Variants in AFF1 observed in about 807,000 individuals in gnomAD.
AFF1 encodes the protein ALF transcription elongation factor 1.
In AFF1, 48 loss-of-function variants were observed where a neutral mutation model predicts 121.7. The observed-to-expected ratio is 0.39, with a 90% CI of 0.31 to 0.50. The LOEUF (loss-of-function observed/expected upper bound fraction) is 0.50, where lower values mean the gene tolerates loss of function less well. AFF1 is among the 20% of genes least tolerant of loss of function. The pLI is 0.76. For synonymous variants in AFF1, 613 were observed against 563.0 expected (o/e 1.09, Z -1.26); for missense variants, 1,523 against 1,511.7 (o/e 1.01, Z -0.12).
In AFF1 at chr4:87,012,217, C is replaced by CTTTTTTTTTTTTTTTTTTTTTTTTT. The variant is rs68156863; in HGVS notation, c.39-33947_39-33946insTTTTTTTTTTTTTTTTTTTTTTTTT. On this transcript the variant is annotated intron_variant, in intron 2 of 20. Transcript: ENST00000395146. Reference sequence around the variant, plus strand: ...GTTAGCAAACTTCTCCATTTCATTTCTTGTTTTTTTTTTTTTTTGTATAAC... The same window carrying CTTTTTTTTTTTTTTTTTTTTTTTTT: ...GTTAGCAAACTTCTCCATTTCATTTCTTTTTTTTTTTTTTTTTTTTTTTTTTTGTTTTTTTTTTTTTTTGTATAAC... Among the ~76,000 whole-genome samples the CTTTTTTTTTTTTTTTTTTTTTTTTT allele has an allele frequency of 4.3e-5, 5 of 115,100 alleles. 1 individual carries two copies. The highest frequency in any genetic ancestry group is 7.4e-5 in the Non-Finnish European group (4 of 54,242). The allele number at this position is 115,100 out of a possible 152,430, so 75.5% of individuals were successfully genotyped here.
At chr4:87,020,296 T>C (rs1727764903) in intron 2 of AFF1, among the ~76,000 whole-genome samples, 2 of 152,240 alleles carry the variant, frequency 1.3e-5, no homozygotes, top group African/African-American at 4.8e-5. Flanking sequence ...TTATGAATGT[T>C]TCACGACCAT....
chr4:87,000,917 CCAAA>C (rs1560530075), intron 2 of AFF1, among the ~76,000 whole-genome samples: 1 of 152,004 alleles, frequency 6.6e-6, no homozygotes, highest in Non-Finnish European at 1.5e-5. Context: ...TATTCTTGAA[CCAAA>C]CAGTTGAATC....
At chr4:87,048,246 G>A (rs1009336087) in intron 4 of AFF1, among the ~76,000 whole-genome samples, 10 of 152,146 alleles carry the variant, frequency 6.6e-5, no homozygotes, top group Admixed American at 2.0e-4. Flanking sequence ...TCACTTGAGA[G>A]TGAGTCACAA....
At position 87,135,772 on chromosome 4, in the gene AFF1, CA is replaced by C. The variant is rs1560668799; in HGVS notation, c.*72del. 5 of 1,524,868 alleles carry C rather than the reference CA, an allele frequency of 3.3e-6. No individual in the cohort carries two copies. 94.5% of individuals were successfully genotyped at this position (1,524,868 alleles called of 1,614,324 possible). On this transcript the variant is annotated 3_prime_UTR_variant, in exon 21 of 21. Transcript: ENST00000395146. ...TTGGAAGCCTCAAAAACAGTCCAGACATTTGTTTCATCAGGACACCAAACTC... is the reference window on the plus strand; with the variant it reads ...TTGGAAGCCTCAAAAACAGTCCAGACTTTGTTTCATCAGGACACCAAACTC...
At chr4:86,963,929 A>G (rs1399462287) in intron 2 of AFF1, among the ~76,000 whole-genome samples, 3 of 132,264 alleles carry the variant, frequency 2.3e-5, no homozygotes, top group East Asian at 4.5e-4. Flanking sequence ...CCCAAATGCT[A>G]TGATTACAGG....
intron 2 of AFF1, among the ~76,000 whole-genome samples, chr4:86,992,681 G>A (rs1724820110): frequency 6.6e-6 from 1 of 152,138 alleles, no homozygotes; most frequent in African/African-American, 2.4e-5. Flanking sequence ...TATTAGCAAG[G>A]GAAGACCCCT....
chr4:87,051,681 G>A (rs533165079), intron 4 of AFF1, among the ~76,000 whole-genome samples: 1 of 152,080 alleles, frequency 6.6e-6, no homozygotes, highest in South Asian at 2.1e-4. Context: ...TGTTGGCCAG[G>A]ATGGTCTCAA....
At chr4:87,007,409 T>A (rs756928652) in intron 2 of AFF1, 2 of 1,614,050 alleles carry the variant, frequency 1.2e-6, no homozygotes, top group Admixed American at 3.3e-5. Flanking sequence ...AGCTGAATTA[T>A]GGCAGCCCAG....
chr4:87,079,203 G>A (rs1251652588), intron 4 of AFF1, among the ~76,000 whole-genome samples: 3 of 152,106 alleles, frequency 2.0e-5, no homozygotes, highest in South Asian at 4.2e-4. Flanking sequence ...TAAAAATGCC[G>A]CTCTGTTGAA....
At chr4:87,005,250 A>G (rs1036276965) in intron 2 of AFF1, among the ~76,000 whole-genome samples, 1 of 152,208 alleles carries the variant, frequency 6.6e-6, no homozygotes, top group African/African-American at 2.4e-5. Flanking sequence ...AAGTGCTGGG[A>G]TTACAGGCGT....
chr4:87,121,401 C>T (rs1007370246), intron 12 of AFF1, among the ~76,000 whole-genome samples: 7 of 152,182 alleles, frequency 4.6e-5, no homozygotes, highest in Non-Finnish European at 8.8e-5. Context: ...ATGTTAATGA[C>T]CCTTTCCTAC....
intron 8 of AFF1, among the ~76,000 whole-genome samples, chr4:87,101,645 G>A (rs1388161895): frequency 6.6e-6 from 1 of 151,852 alleles, no homozygotes; most frequent in African/African-American, 2.4e-5. Context: ...CTCCTGCCTT[G>A]TGTGCCATTG....
intron 2 of AFF1, among the ~76,000 whole-genome samples, chr4:87,010,648 C>T (rs913818970): frequency 7.9e-5 from 12 of 152,252 alleles, no homozygotes; most frequent in Non-Finnish European, 1.6e-4. Context: ...GTGCTTTATA[C>T]TGAGGAGTGG....
chr4:87,065,158 G>T (rs1231410631), intron 4 of AFF1, among the ~76,000 whole-genome samples: 2 of 152,208 alleles, frequency 1.3e-5, no homozygotes, highest in African/African-American at 4.8e-5. Flanking sequence ...AAGGAAAGAG[G>T]TTTAGTGGAG....
chr4:86,944,139 G>GT (rs1720670112), intron 1 of AFF1, among the ~76,000 whole-genome samples: 1 of 72,596 alleles, frequency 1.4e-5, no homozygotes, highest in Admixed American at 1.7e-4. Flanking sequence ...GCAAGACCCT[G>GT]TAAAAAAAAA....
chr4:87,024,179 C>T (rs1728299883), intron 2 of AFF1, among the ~76,000 whole-genome samples: 1 of 152,198 alleles, frequency 6.6e-6, no homozygotes, highest in African/African-American at 2.4e-5. Flanking sequence ...AGATCTACTC[C>T]AGACTTACAT....
intron 5 of AFF1, among the ~76,000 whole-genome samples, chr4:87,089,617 TC>T (rs988376832): frequency 3.9e-5 from 6 of 152,204 alleles, no homozygotes; most frequent in Non-Finnish European, 7.3e-5. Context: ...AAAGAATGCA[TC>T]GAGGAGAGAC....
chr4:86,935,700 GGAGA>G (rs1403469351), intron 1 of AFF1: 2 of 152,234 alleles, frequency 1.3e-5, no homozygotes, highest in Admixed American at 1.3e-4. Flanking sequence ...TGCCTGTCGT[GGAGA>G]GAGATGAGGG....
chr4:87,003,827 T>C (rs340639), intron 2 of AFF1, among the ~76,000 whole-genome samples: 85,579 of 152,104 alleles, frequency 0.56, 29,017 homozygotes, highest in South Asian at 0.77. Context: ...TCCTTGAATA[T>C]TTACTATTGC....
Sources: allele counts gnomAD v4.1 joint callset (sites outside exome capture counted in the v4.1 genomes callset), GRCh38; gene constraint gnomAD v4.1.1; transcripts MANE v1.5; gene names NCBI Gene and HGNC (gene_info 2026-07-23, HGNC 2026-07-21).